The following GNA14 variants were observed in gnomAD, a reference collection of about 807,000 sequenced individuals.
GNA14 encodes the protein guanine nucleotide-binding protein subunit alpha-14.
Under a neutral mutation model 42.0 loss-of-function variants are expected in GNA14, and 50 were observed. The ratio of observed to expected loss-of-function variants is 1.19; its 90% CI spans 0.95 to 1.51. GNA14 has a LOEUF of 1.51. Ranked by LOEUF, GNA14 falls within the 40% of genes most tolerant of loss-of-function variation. GNA14 has a pLI of 0.00. For synonymous variants in GNA14, 173 were observed against 163.1 expected (o/e 1.06, Z -0.46); for missense variants, 473 against 446.2 (o/e 1.06, Z -0.54).
At chr9:77,426,730 T>C (rs1364210010) in intron 5 of GNA14, among the ~76,000 whole-genome samples, 5 of 152,202 alleles carry the variant, frequency 3.3e-5, no homozygotes, top group Admixed American at 6.5e-5. Context: ...ATGCTCCTAA[T>C]TTACTGAGAA....
chr9:77,547,547 G>A (rs949224752), intron 1 of GNA14, among the ~76,000 whole-genome samples: 1 of 152,204 alleles, frequency 6.6e-6, no homozygotes, highest in African/African-American at 2.4e-5. Flanking sequence ...TTACCCCAGT[G>A]ATACAGATGT....
chr9:77,614,515 T>G (rs1056279184), intron 1 of GNA14, among the ~76,000 whole-genome samples: 1 of 152,158 alleles, frequency 6.6e-6, no homozygotes, highest in Non-Finnish European at 1.5e-5. Flanking sequence ...AATGAACATG[T>G]ACTTAATTCT....
At chr9:77,593,908 G>A (rs1823425619) in intron 1 of GNA14, among the ~76,000 whole-genome samples, 1 of 152,194 alleles carries the variant, frequency 6.6e-6, no homozygotes, top group Non-Finnish European at 1.5e-5. Context: ...CCCTCCTAGT[G>A]AGCACACGAG....
intron 2 of GNA14, among the ~76,000 whole-genome samples, chr9:77,526,996 T>A (rs1837450023): frequency 6.6e-6 from 1 of 152,206 alleles, no homozygotes; most frequent in African/African-American, 2.4e-5. Context: ...TGATTAGGTT[T>A]TACAAACGCT....
chr9:77,455,732 C>G (rs1252423212), intron 2 of GNA14, among the ~76,000 whole-genome samples: 1 of 152,202 alleles, frequency 6.6e-6, no homozygotes, highest in Non-Finnish European at 1.5e-5. Flanking sequence ...CGCTGAGAGA[C>G]TGGTAGGTTT....
chr9:77,608,048 G>A (rs920173732), intron 1 of GNA14, among the ~76,000 whole-genome samples: 1 of 152,142 alleles, frequency 6.6e-6, no homozygotes, highest in Admixed American at 6.5e-5. Context: ...ATGCAAAGGT[G>A]GTGGGGCTCT....
At chr9:77,613,743 G>A (rs1471098395) in intron 1 of GNA14, among the ~76,000 whole-genome samples, 2 of 152,150 alleles carry the variant, frequency 1.3e-5, no homozygotes, top group Non-Finnish European at 2.9e-5. Context: ...ATTTATTCAT[G>A]AGCTAATCTT....
At position 77,564,297 on chromosome 9, in the gene GNA14, A is replaced by T. The variant is rs528377067; in HGVS notation, c.125-35044T>A. Among the ~76,000 whole-genome samples, 67 of 44,494 alleles carry T rather than the reference A, an allele frequency of 1.5e-3. No homozygotes were observed. In the Admixed American group the frequency reaches 0.016, roughly 10 times the overall value. 29.2% of individuals were successfully genotyped at this position (44,494 alleles called of 152,430 possible). On this transcript the variant is annotated intron_variant, in intron 1 of 6. Coordinates refer to ENST00000341700, the MANE Select transcript of GNA14 (RefSeq NM_004297.4). ...CAGAAAAGTCCAGGCAGCACAATTT[A>T]AAAAAAAAAAAAAAAAACTTATTTT...
At chr9:77,510,992 T>C (rs935043258) in intron 2 of GNA14, among the ~76,000 whole-genome samples, 3 of 151,704 alleles carry the variant, frequency 2.0e-5, no homozygotes, top group Non-Finnish European at 2.9e-5. Context: ...CATATTAGAG[T>C]TGCCCAGTTA....
intron 2 of GNA14, among the ~76,000 whole-genome samples, chr9:77,509,951 T>G (rs1837133169): frequency 6.6e-6 from 1 of 152,204 alleles, no homozygotes; most frequent in Non-Finnish European, 1.5e-5. Flanking sequence ...TCTTTGTTTT[T>G]TAATAACAGT....
intron 1 of GNA14, among the ~76,000 whole-genome samples, chr9:77,615,586 C>T (rs755798599): frequency 1.3e-5 from 2 of 152,080 alleles, no homozygotes; most frequent in Non-Finnish European, 2.9e-5. Flanking sequence ...GGTCCAAACT[C>T]ACACTCCTCC....
intron 1 of GNA14, among the ~76,000 whole-genome samples, chr9:77,620,714 G>A (rs1192680538): frequency 6.6e-6 from 1 of 151,926 alleles, no homozygotes; most frequent in African/African-American, 2.4e-5. Flanking sequence ...AGACATGGTG[G>A]TGCACACCTG....
chr9:77,551,753 T>C (rs566108793), intron 1 of GNA14, among the ~76,000 whole-genome samples: 3 of 151,436 alleles, frequency 2.0e-5, no homozygotes, highest in African/African-American at 7.3e-5. Flanking sequence ...TTGCTTTTTT[T>C]AAAAAAAAAT....
chr9:77,531,149 G>A (rs1303186080), intron 1 of GNA14, among the ~76,000 whole-genome samples: 1 of 151,976 alleles, frequency 6.6e-6, no homozygotes, highest in Non-Finnish European at 1.5e-5. Context: ...AGTAAAGGCA[G>A]GGCCCGAGAT....
rs80268902 is a variant in GNA14, at chr9:77,603,233, T to C, written c.124+44437A>G. 4.1e-3 allele frequency among the ~76,000 whole-genome samples: 623 copies of C among 152,264 alleles called. 7 individuals are homozygous for C. The highest frequency in any genetic ancestry group is 0.015 in the African/African-American group (605 of 41,544). On this transcript the variant is annotated intron_variant, in intron 1 of 6. Coordinates refer to ENST00000341700, the MANE Select transcript of GNA14 (RefSeq NM_004297.4). The stretch of plus-strand genomic sequence containing the variant: ...AAACCAATGCCCTTTCTCTTAGCCA[T>C]TGTGATAGCTTTTGTGTGTGAAATG...
At chr9:77,447,219 C>A (rs111486967) in intron 2 of GNA14, among the ~76,000 whole-genome samples, 1 of 152,186 alleles carries the variant, frequency 6.6e-6, no homozygotes, top group Non-Finnish European at 1.5e-5. Flanking sequence ...GCTGGGATTA[C>A]AGGCGTGAGC....
chr9:77,601,753 G>A (rs1823568717), intron 1 of GNA14, among the ~76,000 whole-genome samples: 1 of 152,124 alleles, frequency 6.6e-6, no homozygotes, highest in Non-Finnish European at 1.5e-5. Flanking sequence ...CCCGGGCAGT[G>A]GGCAGTCCCA....
chr9:77,569,128 C>G (rs1823019594), intron 1 of GNA14, among the ~76,000 whole-genome samples: 1 of 151,718 alleles, frequency 6.6e-6, no homozygotes, highest in Admixed American at 6.6e-5. Flanking sequence ...TAAACTGAAT[C>G]TCCAGCCTCA....
intron 1 of GNA14, among the ~76,000 whole-genome samples, chr9:77,592,791 T>C (rs938119174): frequency 2.0e-5 from 3 of 152,232 alleles, no homozygotes; most frequent in African/African-American, 7.2e-5. Flanking sequence ...GGATCCTTTA[T>C]CTTCTTGCTT....
Sources: allele counts gnomAD v4.1 joint callset (sites outside exome capture counted in the v4.1 genomes callset), GRCh38; gene constraint gnomAD v4.1.1; transcripts MANE v1.5; gene names NCBI Gene and HGNC (gene_info 2026-07-23, HGNC 2026-07-21).